Variants in GRIK4 observed in about 807,000 individuals in gnomAD.
The protein encoded by GRIK4 is glutamate ionotropic receptor kainate type subunit 4, also known as glutamate receptor ionotropic, kainate 4.
A neutral mutation model predicts 104.9 loss-of-function variants in GRIK4; 40 were observed. That is an observed-to-expected ratio of 0.38 (90% CI 0.30 to 0.50). GRIK4 has a LOEUF of 0.50. GRIK4 is among the 20% of genes least tolerant of loss of function. GRIK4 has a pLI of 0.93. For missense variants in GRIK4, 1,047 were observed against 1,308.1 expected, an observed-to-expected ratio of 0.80 and a Z score of 3.08; for synonymous variants, 485 against 524.9, an observed-to-expected ratio of 0.92 and a Z score of 1.04.
chr11:120,876,422 T>C (rs947476930), intron 11 of GRIK4, among the ~76,000 whole-genome samples: 279 of 6,718 alleles, frequency 0.042, 2 homozygotes, highest in African/African-American at 0.1. Context: ...TTGTCATCAT[T>C]ATCACCACCA....
At chr11:120,615,727 G>C (rs1353994154) in intron 1 of GRIK4, among the ~76,000 whole-genome samples, 1 of 152,192 alleles carries the variant, frequency 6.6e-6, no homozygotes, top group Admixed American at 6.5e-5. Context: ...TGTGATTGCA[G>C]CTTGTGGGTG....
chr11:120,959,343 C>T (rs911026686), intron 16 of GRIK4, among the ~76,000 whole-genome samples: 6 of 152,104 alleles, frequency 3.9e-5, no homozygotes, highest in Non-Finnish European at 8.8e-5. Flanking sequence ...TGCTTCACTC[C>T]TGGGGAGGCA....
chr11:120,820,551 A>C lies in GRIK4; in HGVS notation c.511+631A>C, dbSNP rs1953091688. 2.6e-5 allele frequency among the ~76,000 whole-genome samples: 4 copies of C among 152,298 alleles called. No homozygotes were observed. In the South Asian group the frequency reaches 6.2e-4, roughly 24 times the overall value. On this transcript the variant is annotated intron_variant, in intron 6 of 20. Transcript: ENST00000527524. ...TAATTTAAGCCAGCACCTTCCAGCAAATCTGTGCATCTGTGTGCTCCCGGC... is the reference window on the plus strand; with the variant it reads ...TAATTTAAGCCAGCACCTTCCAGCACATCTGTGCATCTGTGTGCTCCCGGC...
At chr11:120,525,078 G>A (rs901478352) in intron 1 of GRIK4, among the ~76,000 whole-genome samples, 1 of 152,160 alleles carries the variant, frequency 6.6e-6, no homozygotes, top group Non-Finnish European at 1.5e-5. Context: ...CTGCAGTGCT[G>A]GGTCCAAAGA....
At chr11:120,614,248 G>T (rs1277921885) in intron 1 of GRIK4, among the ~76,000 whole-genome samples, 1 of 152,214 alleles carries the variant, frequency 6.6e-6, no homozygotes, top group East Asian at 1.9e-4. Context: ...CAGAAAGGGG[G>T]TTATGGTTTT....
At chr11:120,539,874 C>G (rs1426543981) in intron 1 of GRIK4, among the ~76,000 whole-genome samples, 1 of 152,110 alleles carries the variant, frequency 6.6e-6, no homozygotes, top group African/African-American at 2.4e-5. Flanking sequence ...CTTTCAAAGG[C>G]CTTTTCAAGG....
At chr11:120,584,297 C>T (rs1948628118) in intron 1 of GRIK4, among the ~76,000 whole-genome samples, 1 of 152,092 alleles carries the variant, frequency 6.6e-6, no homozygotes, top group Non-Finnish European at 1.5e-5. Context: ...TGTATTAGGC[C>T]ATTCTTGCAT....
At chr11:120,911,865 A>G (rs1459262324) in intron 13 of GRIK4, among the ~76,000 whole-genome samples, 1 of 150,990 alleles carries the variant, frequency 6.6e-6, no homozygotes, top group Non-Finnish European at 1.5e-5. Context: ...AAAAGAAAAG[A>G]AAAGGTTTTT....
chr11:120,671,940 G>A (rs7935005), intron 3 of GRIK4, among the ~76,000 whole-genome samples: 12,316 of 152,138 alleles, frequency 0.081, 1,387 homozygotes, highest in African/African-American at 0.25. Flanking sequence ...GGTTGTAGAC[G>A]TATGTTGTAT....
At chr11:120,851,967 G>A (rs1240605468) in intron 8 of GRIK4, among the ~76,000 whole-genome samples, 1 of 152,206 alleles carries the variant, frequency 6.6e-6, no homozygotes, top group East Asian at 1.9e-4. Flanking sequence ...TGGGACCTGG[G>A]AAAGGAGAGG....
intron 5 of GRIK4, among the ~76,000 whole-genome samples, chr11:120,816,689 G>C (rs778971468): frequency 6.6e-6 from 1 of 152,098 alleles, no homozygotes; most frequent in Non-Finnish European, 1.5e-5. Context: ...GACGCTTTGG[G>C]CAGAAGAATA....
intron 3 of GRIK4, among the ~76,000 whole-genome samples, chr11:120,715,190 T>TTA (rs1950806350): frequency 6.6e-6 from 1 of 152,188 alleles, no homozygotes; most frequent in Admixed American, 6.5e-5. Flanking sequence ...GGGATTCGGC[T>TTA]TATCTGTGGA....
intron 1 of GRIK4, among the ~76,000 whole-genome samples, chr11:120,606,547 C>CATGG (rs1443443414): frequency 6.6e-6 from 1 of 152,238 alleles, no homozygotes; most frequent in African/African-American, 2.4e-5. Context: ...CTCATTCCGT[C>CATGG]CATTCATCTG....
intron 8 of GRIK4, among the ~76,000 whole-genome samples, chr11:120,851,442 T>C (rs1315582444): frequency 6.6e-6 from 1 of 152,214 alleles, no homozygotes; most frequent in Non-Finnish European, 1.5e-5. Flanking sequence ...CAGCAGCAAT[T>C]CTGGTAGAAA....
At position 120,660,364 on chromosome 11, in the gene GRIK4, G is replaced by C; in HGVS notation, c.46G>C (p.Val16Leu). The stretch of plus-strand genomic sequence containing the variant: ...TTTGGTGCTGCTTCCTGCGTGGCTC[G>C]TGATGGTCGCCTGCAGCCCGCACTC... ...APLVLLPAWL[V>L]MVACSPHSLR... Residue 16 changes from valine (V) to leucine (L), a missense_variant, in exon 3 of 21, where the codon GTG (valine) becomes CTG (leucine). Physicochemically the swap from Val to Leu is conservative, Grantham distance 32. Transcript: ENST00000527524. The C allele has an allele frequency of 6.2e-7, 1 of 1,613,294 alleles. No homozygotes were observed. Among genetic ancestry groups the C allele is most frequent in the South Asian group, 1.1e-5 (1 of 91,078 alleles).
intron 3 of GRIK4, among the ~76,000 whole-genome samples, chr11:120,660,974 G>A (rs913020380): frequency 2.6e-5 from 4 of 152,142 alleles, no homozygotes; most frequent in South Asian, 4.2e-4. Flanking sequence ...GTGGGCAGGC[G>A]GGCTTCCACC....
At chr11:120,674,120 T>C (rs1178175129) in intron 3 of GRIK4, among the ~76,000 whole-genome samples, 2 of 152,218 alleles carry the variant, frequency 1.3e-5, no homozygotes, top group Non-Finnish European at 2.9e-5. Flanking sequence ...CATTAGTGCC[T>C]TTGATGGTTC....
At chr11:120,678,179 C>G (rs1950131716) in intron 3 of GRIK4, among the ~76,000 whole-genome samples, 1 of 152,212 alleles carries the variant, frequency 6.6e-6, no homozygotes, top group African/African-American at 2.4e-5. Context: ...GCCCAAGACC[C>G]ATGGGACAAC....
Position 120,710,970 on chromosome 11 carries a change from C to T in GRIK4, c.82+50570C>T, listed in dbSNP as rs529661986. 8.2e-4 allele frequency among the ~76,000 whole-genome samples: 124 copies of T among 150,960 alleles called. 1 individual carries two copies. In the Middle Eastern group the frequency reaches 0.017, roughly 21 times the overall value. ...TGCAGAACTGGAGCACCAGGCGGCCCGGCCAGCCTCGCTTGCCCCTGTGAG... is the reference window on the plus strand; with the variant it reads ...TGCAGAACTGGAGCACCAGGCGGCCTGGCCAGCCTCGCTTGCCCCTGTGAG... On this transcript the variant is annotated intron_variant, in intron 3 of 20. Coordinates refer to ENST00000527524, the MANE Select transcript of GRIK4 (RefSeq NM_014619.5).
Sources: allele counts gnomAD v4.1 joint callset (sites outside exome capture counted in the v4.1 genomes callset), GRCh38; gene constraint gnomAD v4.1.1; transcripts MANE v1.5; gene names NCBI Gene and HGNC (gene_info 2026-07-23, HGNC 2026-07-21).